Variants in MYOM1 observed in about 807,000 individuals in gnomAD.
MYOM1 encodes myomesin 1, also known as myomesin-1.
Under a neutral mutation model 205.3 loss-of-function variants are expected in MYOM1, and 164 were observed. That is an observed-to-expected ratio of 0.80 (90% CI 0.70 to 0.91). MYOM1 has a LOEUF of 0.91. MYOM1 is among the 40% of genes least tolerant of loss of function. The pLI is 0.00. For synonymous variants in MYOM1, 772 were observed against 789.4 expected (o/e 0.98, Z 0.37); for missense variants, 2,011 against 2,127.3 (o/e 0.95, Z 1.08).
At position 3,193,347 on chromosome 18, in the gene MYOM1, CATATATATATAT is replaced by C. The variant is rs546949478; in HGVS notation, c.431+459_431+470del. On this transcript the variant is annotated intron_variant, in intron 3 of 37. Coordinates refer to ENST00000356443, the MANE Select transcript of MYOM1 (RefSeq NM_003803.4). ...ACATATACATATATATGTACATATA[CATATATATATAT>C]ATACACACACACACACACACACAAT... is the stretch of plus-strand genomic sequence containing the variant. 1.8e-4 allele frequency among the ~76,000 whole-genome samples: 26 copies of C among 140,780 alleles called. 1 individual carries two copies. The South Asian group carries it at 2.9e-3, about 16-fold the overall frequency. The allele number at this position is 140,780 out of a possible 152,430, so 92.4% of individuals were successfully genotyped here.
At chr18:3,132,104 TTA>T (rs1249399007) in intron 16 of MYOM1, among the ~76,000 whole-genome samples, 1 of 87,082 alleles carries the variant, frequency 1.1e-5, no homozygotes, top group East Asian at 4.7e-4. Context: ...AAAATTATTA[TTA>T]TATATGTGTG....
At chr18:3,136,147 A>T (rs1451384004) in intron 14 of MYOM1, among the ~76,000 whole-genome samples, 2 of 152,212 alleles carry the variant, frequency 1.3e-5, no homozygotes, top group South Asian at 4.2e-4. Context: ...ACCGTGTAAG[A>T]CGTGCCTTTC....
At chr18:3,144,226 C>T (rs1035703068) in intron 13 of MYOM1, among the ~76,000 whole-genome samples, 3 of 151,862 alleles carry the variant, frequency 2.0e-5, no homozygotes, top group African/African-American at 7.3e-5. Context: ...CAAAAAAAGG[C>T]ACTGTTGTAA....
intron 18 of MYOM1, 116 bp downstream of exon 18, chr18:3,129,116 T>C (rs1463852827): frequency 3.8e-6 from 5 of 1,300,508 alleles, no homozygotes; most frequent in Non-Finnish European, 5.2e-6. Flanking sequence ...TGAAAACACA[T>C]ACAATAAGAA....
chr18:3,126,947 C>T (rs568836780), intron 18 of MYOM1, 50 bp from the exon 19 acceptor site: 1 of 1,502,590 alleles, frequency 6.7e-7, no homozygotes, highest in Middle Eastern at 1.7e-4. Context: ...ATTTATGATT[C>T]TATATATAAA....
At chr18:3,147,072 TTATA>T (rs2080135301) in intron 13 of MYOM1, among the ~76,000 whole-genome samples, 1 of 141,006 alleles carries the variant, frequency 7.1e-6, no homozygotes, top group Admixed American at 7.1e-5. Context: ...AATATATATC[TTATA>T]TATAAATATT....
At chr18:3,170,660 C>T (rs1341323241) in intron 8 of MYOM1, among the ~76,000 whole-genome samples, 2 of 152,080 alleles carry the variant, frequency 1.3e-5, no homozygotes, top group African/African-American at 4.8e-5. Context: ...AAAGAAAGGA[C>T]TTGGGAAAGA....
In MYOM1 at chr18:3,189,750, A is replaced by G. The variant is rs1301658114; in HGVS notation, c.432-663T>C. 6.6e-6 allele frequency among the ~76,000 whole-genome samples: 1 copy of G among 152,182 alleles called. No homozygotes were observed. Among genetic ancestry groups the G allele is most frequent in the African/African-American group, 2.4e-5 (1 of 41,444 alleles). ...CCAAGGTCGTCTCACTGGTTGTCTT[A>G]GTGTGTTTAAACATGATTTTGTTTA... On this transcript the variant is annotated intron_variant, in intron 3 of 37. Transcript: ENST00000356443. This position sits in a 1 kb window ranked among gnomAD's most constrained non-coding sequence, Gnocchi z 4.8.
At position 3,176,047 on chromosome 18, in the gene MYOM1, A is replaced by T; in HGVS notation, c.1017T>A (p.Ile339=). Residue 339 remains isoleucine (I), a synonymous_variant, in exon 6 of 38, where the codon ATT becomes ATA. Coordinates refer to ENST00000356443, the MANE Select transcript of MYOM1 (RefSeq NM_003803.4). ...ESRYGMHTLE[I]NGCDFEDTAQ... The stretch of plus-strand genomic sequence containing the variant: ...GGACACTAATGTTCTCTTACCCATT[A>T]ATCTCCAGAGTGTGCATCCCATATC... The T allele has an allele frequency of 6.3e-7, 1 of 1,579,330 alleles. No homozygotes were observed. Among genetic ancestry groups the T allele is most frequent in the Admixed American group, 1.7e-5 (1 of 59,952 alleles).
intron 5 of MYOM1, among the ~76,000 whole-genome samples, chr18:3,180,995 G>A (rs114332614): frequency 0.012 from 1,825 of 150,600 alleles, 27 homozygotes; most frequent in African/African-American, 0.043. Flanking sequence ...GGCACGATCT[G>A]TGCTCACTGC....
chr18:3,163,616 C>T (rs776710341), intron 10 of MYOM1, among the ~76,000 whole-genome samples: 55 of 152,082 alleles, frequency 3.6e-4, no homozygotes, highest in Non-Finnish European at 6.0e-4. Context: ...CCATGCCCGG[C>T]TAATTTTTTG....
In MYOM1 at chr18:3,083,864, C is replaced by T; in HGVS notation, c.4409G>A (p.Ser1470Asn). ...ALSATDLKIQ[S>N]TAEGIQLYSF... is the part of the protein sequence containing the mutation. ...GTACAGTTGGATGCCCTCGGCTGTG[C>T]TCTGGATTTTCAGGTCTGTAGCAGA... The change falls in exon 33 of 38, where the codon AGC (serine) becomes AAC (asparagine). Residue 1470 changes from serine (S) to asparagine (N), a missense_variant. By Grantham distance (46) the Ser-to-Asn change is conservative (BLOSUM62 1). Transcript: ENST00000356443. The T allele has an allele frequency of 1.3e-6, 2 of 1,583,494 alleles. No individual in the cohort carries two copies. The highest frequency in any genetic ancestry group is 2.3e-5 in the South Asian group (2 of 86,648).
intron 2 of MYOM1, among the ~76,000 whole-genome samples, chr18:3,202,477 A>G (rs1240214725): frequency 1.3e-5 from 2 of 152,312 alleles, no homozygotes; most frequent in South Asian, 2.1e-4. Context: ...ATTTGTTAGT[A>G]AAAGGATAAA....
chr18:3,226,734 G>A, the MYOM1 span, among the ~76,000 whole-genome samples: 1 of 152,108 alleles, frequency 6.6e-6, no homozygotes, highest in Non-Finnish European at 1.5e-5. The surrounding 1 kb of genome is among the most constrained non-coding windows in gnomAD (Gnocchi z 4.6). Flanking sequence ...CTATGGCTAG[G>A]TGCTCCCAGT....
In MYOM1 at chr18:3,141,424, G is replaced by A. The variant is rs78478191; in HGVS notation, c.2025+515C>T. ...GTTTTGTGATCCCTGACCTCATTCC[G>A]CTACCTGTACTCAGAGTGGAGCTAG... On this transcript the variant is annotated intron_variant, in intron 14 of 37. Coordinates refer to ENST00000356443, the MANE Select transcript of MYOM1 (RefSeq NM_003803.4). Among the ~76,000 whole-genome samples, 1,439 of 152,226 alleles carry A rather than the reference G, an allele frequency of 9.5e-3. 15 individuals are homozygous for A. The highest frequency in any genetic ancestry group is 0.015 in the Non-Finnish European group (991 of 68,016).
At chr18:3,153,491 G>C (rs994733677) in intron 11 of MYOM1, among the ~76,000 whole-genome samples, 1 of 152,128 alleles carries the variant, frequency 6.6e-6, no homozygotes, top group Non-Finnish European at 1.5e-5. Flanking sequence ...TATGACTAAG[G>C]CCAGAGGAGA....
intron 26 of MYOM1, among the ~76,000 whole-genome samples, chr18:3,093,221 G>A (rs1473226310): frequency 6.6e-6 from 1 of 152,108 alleles, no homozygotes; most frequent in East Asian, 1.9e-4. Flanking sequence ...CAGTGAAAAG[G>A]GAAAGGGTTG....
chr18:3,116,184 C>T (rs2079602271), intron 21 of MYOM1, 147 bp downstream of exon 21: 3 of 808,168 alleles, frequency 3.7e-6, no homozygotes, highest in South Asian at 4.3e-5. Context: ...CTTCTCCCAG[C>T]CCCAACCTCT....
chr18:3,107,576 A>T (rs1409831392), intron 22 of MYOM1, among the ~76,000 whole-genome samples: 3 of 152,304 alleles, frequency 2.0e-5, no homozygotes, highest in East Asian at 1.9e-4. Context: ...ATTGAGATTT[A>T]AAAAAACCAT....
Sources: allele counts gnomAD v4.1 joint callset (sites outside exome capture counted in the v4.1 genomes callset), GRCh38; gene constraint gnomAD v4.1.1; non-coding constraint Gnocchi (gnomAD v3.1); transcripts MANE v1.5; gene names NCBI Gene and HGNC (gene_info 2026-07-23, HGNC 2026-07-21).